The following ADAMTS19 variants were observed in gnomAD, a reference collection of about 807,000 sequenced individuals.
ADAMTS19 encodes A disintegrin and metalloproteinase with thrombospondin motifs 19.
In ADAMTS19, 93 loss-of-function variants were observed where a neutral mutation model predicts 153.3. The observed-to-expected ratio is 0.61, with a 90% confidence interval of 0.51 to 0.72. The LOEUF is 0.72. ADAMTS19 is among the 30% of genes least tolerant of loss of function. ADAMTS19 has a pLI of 0.00. For synonymous variants in ADAMTS19, 600 were observed against 556.6 expected, an observed-to-expected ratio of 1.08 and a Z score of -1.10; for missense variants, 1,482 against 1,552.1, an observed-to-expected ratio of 0.95 and a Z score of 0.76.
At chr5:129,563,880 A>C (rs1753608771) in intron 7 of ADAMTS19, among the ~76,000 whole-genome samples, 1 of 152,136 alleles carries the variant, frequency 6.6e-6, no homozygotes, top group Admixed American at 6.5e-5. Flanking sequence ...GAGGTAATTA[A>C]AGTTTTTCAG....
At chr5:129,715,291 A>G (rs1324820775) in intron 21 of ADAMTS19, among the ~76,000 whole-genome samples, 1 of 152,176 alleles carries the variant, frequency 6.6e-6, no homozygotes, top group Admixed American at 6.5e-5. Flanking sequence ...TTTTCAGGCT[A>G]TACTATTGAG....
chr5:129,581,651 A>G (rs1317882917), intron 7 of ADAMTS19, among the ~76,000 whole-genome samples: 1 of 151,258 alleles, frequency 6.6e-6, no homozygotes, highest in Non-Finnish European at 1.5e-5. Flanking sequence ...TAGCTTTTGA[A>G]TTTGTTTGCT....
Position 129,737,156 on chromosome 5 carries a change from T to C in ADAMTS19, c.3580T>C (p.Tyr1194His). ...EKNLCQDMRW[Y>H]QRCCETCRDF... Reference sequence around the variant, plus strand: ...GAACCTATGTCAGGACATGCGGTGGTATCAGCGCTGCTGTGAAACATGCAG... The same window carrying C: ...GAACCTATGTCAGGACATGCGGTGGCATCAGCGCTGCTGTGAAACATGCAG... The change falls in exon 23 of 23, where the codon TAT (tyrosine) becomes CAT (histidine). Residue 1194 changes from tyrosine to histidine, a missense_variant. Physicochemically the swap from Tyr to His is moderately conservative, Grantham distance 83. Transcript: ENST00000274487. 1 of 1,611,862 alleles carries C rather than the reference T, an allele frequency of 6.2e-7. No individual in the cohort carries two copies. The highest frequency in any genetic ancestry group is 8.5e-7 in the Non-Finnish European group (1 of 1,178,572).
At chr5:129,704,486 AG>A in intron 21 of ADAMTS19, 95 bp downstream of exon 21, 7 of 1,411,132 alleles carry the variant, frequency 5.0e-6, no homozygotes, top group Non-Finnish European at 6.7e-6. Flanking sequence ...TTAGGAGGGA[AG>A]GAGAGTAGAA....
At chr5:129,473,380 A>G (rs772241502) in intron 2 of ADAMTS19, among the ~76,000 whole-genome samples, 4 of 152,152 alleles carry the variant, frequency 2.6e-5, no homozygotes. Flanking sequence ...CCCAATTTAT[A>G]GATAGGCAAT....
intron 21 of ADAMTS19, among the ~76,000 whole-genome samples, chr5:129,715,173 TA>T (rs1341499634): frequency 6.6e-6 from 1 of 152,242 alleles, no homozygotes. Flanking sequence ...TGAATTTTTT[TA>T]CTTATAATTT....
intron 15 of ADAMTS19, among the ~76,000 whole-genome samples, chr5:129,660,753 T>A (rs1006533363): frequency 3.3e-5 from 5 of 152,196 alleles, no homozygotes; most frequent in Non-Finnish European, 5.9e-5. Context: ...GTGCCTAAGA[T>A]ACTACAAATA....
At chr5:129,567,961 C>T (rs554581035) in intron 7 of ADAMTS19, among the ~76,000 whole-genome samples, 9 of 151,968 alleles carry the variant, frequency 5.9e-5, no homozygotes, top group African/African-American at 1.9e-4. Flanking sequence ...CAATGACAGC[C>T]GATTTCTCAT....
chr5:129,585,115 G>A (rs2126894197), intron 7 of ADAMTS19, among the ~76,000 whole-genome samples: 1 of 152,040 alleles, frequency 6.6e-6, no homozygotes, highest in Admixed American at 6.5e-5. Context: ...CCTTCCTCAA[G>A]GCACAGTCCC....
intron 7 of ADAMTS19, among the ~76,000 whole-genome samples, chr5:129,581,191 A>G (rs1032978982): frequency 3.3e-5 from 5 of 151,730 alleles, no homozygotes; most frequent in African/African-American, 9.7e-5. Context: ...GAATTTATCT[A>G]TTTCTTCTAG....
At chr5:129,619,187 G>A (rs908531199) in intron 8 of ADAMTS19, among the ~76,000 whole-genome samples, 3 of 151,914 alleles carry the variant, frequency 2.0e-5, no homozygotes, top group African/African-American at 7.2e-5. Flanking sequence ...ACAGCATATG[G>A]GGTTGCAGGA....
At chr5:129,497,262 A>C (rs1190953652) in intron 2 of ADAMTS19, among the ~76,000 whole-genome samples, 1 of 151,850 alleles carries the variant, frequency 6.6e-6, no homozygotes, top group Admixed American at 6.6e-5. Flanking sequence ...CTTTAACCTC[A>C]CTAGCCCTTC....
intron 2 of ADAMTS19, among the ~76,000 whole-genome samples, chr5:129,483,092 A>G (rs189367308): frequency 1.3e-5 from 2 of 152,236 alleles, no homozygotes; most frequent in East Asian, 3.9e-4. Context: ...ATACACTACA[A>G]ATATCTTCTC....
At chr5:129,514,278 G>A (rs2126733965) in intron 3 of ADAMTS19, among the ~76,000 whole-genome samples, 1 of 152,254 alleles carries the variant, frequency 6.6e-6, no homozygotes, top group South Asian at 2.1e-4. Flanking sequence ...TAGATACACT[G>A]ATTTCCTTTC....
At position 129,622,279 on chromosome 5, in the gene ADAMTS19, G is replaced by T. The variant is rs758248432; in HGVS notation, c.1701G>T (p.Met567Ile). The change falls in exon 10 of 23, where the codon ATG becomes ATT. Residue 567 changes from methionine to isoleucine, a missense_variant. Met to Ile is a conservative substitution (Grantham distance 10). Coordinates refer to ENST00000274487, the MANE Select transcript of ADAMTS19 (RefSeq NM_133638.6). ...TGGTTCCCTCCAAGCTGCCAGGGATGACATACACTGCTGATGAACAATGCC... is the reference window on the plus strand; with the variant it reads ...TGGTTCCCTCCAAGCTGCCAGGGATTACATACACTGCTGATGAACAATGCC... ...SVMVPSKLPGMTYTADEQCQI... is the reference protein window; with the variant it reads ...SVMVPSKLPGITYTADEQCQI... The T allele has an allele frequency of 1.2e-6, 2 of 1,614,144 alleles. No individual in the cohort carries two copies. The highest frequency in any genetic ancestry group is 2.7e-5 in the African/African-American group (2 of 75,048).
At position 129,622,303 on chromosome 5, in the gene ADAMTS19, C is replaced by G; in HGVS notation, c.1725C>G (p.Cys575Trp). Residue 575 changes from cysteine to tryptophan, a missense_variant, in exon 10 of 23, where the codon TGC (cysteine) becomes TGG (tryptophan). Physicochemically the swap from Cys to Trp is radical, Grantham distance 215. Coordinates refer to ENST00000274487, the MANE Select transcript of ADAMTS19 (RefSeq NM_133638.6). ...PGMTYTADEQCQILFGPLASF... is the reference protein window; with the variant it reads ...PGMTYTADEQWQILFGPLASF... ...TGACATACACTGCTGATGAACAATG[C>G]CAGATCCTTTTTGGGCCATTGGCTT... 1 of 1,614,048 alleles carries G rather than the reference C, an allele frequency of 6.2e-7. No homozygotes were observed. Among genetic ancestry groups the G allele is most frequent in the South Asian group, 1.1e-5 (1 of 91,084 alleles).
chr5:129,471,860 C>G (rs1270043075), intron 2 of ADAMTS19, among the ~76,000 whole-genome samples: 1 of 152,194 alleles, frequency 6.6e-6, no homozygotes, highest in East Asian at 1.9e-4. Context: ...CCAGCCCCAT[C>G]CAGGTTGCTG....
At chr5:129,585,594 A>G (rs1749741905) in intron 7 of ADAMTS19, among the ~76,000 whole-genome samples, 1 of 152,052 alleles carries the variant, frequency 6.6e-6, no homozygotes. Flanking sequence ...TATGTATTCA[A>G]TATTTGTTTA....
chr5:129,463,403 GAATTATAAGTAGGTTT>G (rs1416468191), intron 2 of ADAMTS19, among the ~76,000 whole-genome samples: 1 of 152,106 alleles, frequency 6.6e-6, no homozygotes, highest in Non-Finnish European at 1.5e-5. Context: ...TATAAAAAAA[GAATTATAAGTAGGTTT>G]TTCATAGACT....
Sources: allele counts gnomAD v4.1 joint callset (sites outside exome capture counted in the v4.1 genomes callset), GRCh38; gene constraint gnomAD v4.1.1; transcripts MANE v1.5; gene names NCBI Gene and HGNC (gene_info 2026-07-23, HGNC 2026-07-21).